Variants in CNNM2 observed in about 807,000 individuals in gnomAD.
The protein encoded by CNNM2 is metal transporter CNNM2.
A neutral mutation model predicts 66.9 loss-of-function variants in CNNM2; 12 were observed. The ratio of observed to expected loss-of-function variants is 0.18; its 90% CI spans 0.11 to 0.29. CNNM2 has a LOEUF of 0.29. Among genes scored for constraint, CNNM2 ranks in the 10% least tolerant of loss-of-function variants. The pLI is 1.00. For missense variants in CNNM2, 705 were observed against 1,167.7 expected (o/e 0.60, Z 5.77); for synonymous variants, 557 against 501.8 (o/e 1.11, Z -1.47).
chr10:102,966,392 G>T (rs540079959), intron 1 of CNNM2, among the ~76,000 whole-genome samples: 9 of 152,224 alleles, frequency 5.9e-5, no homozygotes, highest in Non-Finnish European at 1.2e-4. Context: ...CACTTTGGGA[G>T]GCTGAGGTGG....
chr10:103,028,061 G>C (rs2064740832), intron 1 of CNNM2, among the ~76,000 whole-genome samples: 1 of 152,148 alleles, frequency 6.6e-6, no homozygotes, highest in Admixed American at 6.5e-5. Context: ...CTTAAAATCT[G>C]TGCCTTTTTT....
At chr10:103,058,506 G>A (rs1164768833) in intron 4 of CNNM2, among the ~76,000 whole-genome samples, 1 of 152,150 alleles carries the variant, frequency 6.6e-6, no homozygotes, top group Non-Finnish European at 1.5e-5. Flanking sequence ...ATTCAGTAAT[G>A]CTTTATTGCT....
intron 4 of CNNM2, among the ~76,000 whole-genome samples, chr10:103,066,185 T>A (rs1379618813): frequency 6.6e-6 from 1 of 152,172 alleles, no homozygotes. Context: ...GCCTCCCTTT[T>A]CAGGCTCTGC....
chr10:103,012,763 AGT>A (rs1427420691), intron 1 of CNNM2, among the ~76,000 whole-genome samples: 1 of 151,824 alleles, frequency 6.6e-6, no homozygotes, highest in Non-Finnish European at 1.5e-5. Flanking sequence ...CTACAACAAC[AGT>A]CTGTACCACA....
At position 103,089,927 on chromosome 10, in the gene CNNM2, G is replaced by A. The variant is rs1041914268; in HGVS notation, c.*12747G>A. 1 of 1,565,276 alleles carries A rather than the reference G, an allele frequency of 6.4e-7. No individual in the cohort carries two copies. Among genetic ancestry groups the A allele is most frequent in the African/African-American group, 1.4e-5 (1 of 73,128 alleles). On this transcript the variant is annotated 3_prime_UTR_variant, in exon 8 of 8. Transcript: ENST00000369878. ...GAGGCATCTAGACAGAAAAAAGCTA[G>A]AGGCTCAGAAAGCAGGCAGAGCAAA... is the stretch of plus-strand genomic sequence containing the variant.
intron 1 of CNNM2, among the ~76,000 whole-genome samples, chr10:103,038,526 C>T (rs755343903): frequency 1.3e-5 from 2 of 152,186 alleles, no homozygotes; most frequent in Non-Finnish European, 2.9e-5. Flanking sequence ...ACACTGTCAT[C>T]GACGCTAATA....
At chr10:102,978,749 T>C (rs182297789) in intron 1 of CNNM2, among the ~76,000 whole-genome samples, 33 of 152,312 alleles carry the variant, frequency 2.2e-4, no homozygotes, top group Middle Eastern at 3.4e-3. Context: ...AGAAACGGAA[T>C]GTGACCAGCA....
chr10:103,022,146 A>C (rs2064596312), intron 1 of CNNM2, among the ~76,000 whole-genome samples: 1 of 152,242 alleles, frequency 6.6e-6, no homozygotes, highest in Non-Finnish European at 1.5e-5. Context: ...CTACCGCGTC[A>C]GCTGGGCGTG....
At chr10:103,071,904 GCTGGCTGGGT>G in intron 6 of CNNM2, 65 bp downstream of exon 6, 1 of 1,438,174 alleles carries the variant, frequency 7.0e-7, no homozygotes, top group Non-Finnish European at 9.8e-7. Flanking sequence ...ATCACGCCTG[GCTGGCTGGGT>G]CTGCTCCCTT....
At chr10:103,063,564 G>A (rs2065425548) in intron 4 of CNNM2, among the ~76,000 whole-genome samples, 1 of 152,214 alleles carries the variant, frequency 6.6e-6, no homozygotes, top group Non-Finnish European at 1.5e-5. Context: ...CATGGCACGG[G>A]CTGTTGAGTA....
chr10:103,024,220 T>C (rs950540920), intron 1 of CNNM2, among the ~76,000 whole-genome samples: 2 of 152,218 alleles, frequency 1.3e-5, no homozygotes, highest in African/African-American at 2.4e-5. Context: ...TATTTTTTCA[T>C]GATACTGACT....
chr10:103,004,597 T>G (rs571924393), intron 1 of CNNM2, among the ~76,000 whole-genome samples: 4 of 152,346 alleles, frequency 2.6e-5, no homozygotes, highest in Admixed American at 2.0e-4. Context: ...AGGAGCCAGT[T>G]GGACTGGCTG....
At chr10:103,019,422 A>G (rs180857732) in intron 1 of CNNM2, among the ~76,000 whole-genome samples, 31 of 152,310 alleles carry the variant, frequency 2.0e-4, no homozygotes, top group African/African-American at 7.2e-4. Context: ...AAGTTGAGCA[A>G]GTGGGGACAG....
chr10:102,980,337 T>TC (rs992472647), intron 1 of CNNM2, among the ~76,000 whole-genome samples: 1 of 151,876 alleles, frequency 6.6e-6, no homozygotes, highest in African/African-American at 2.4e-5. Flanking sequence ...TTTTTTTTTT[T>TC]CATAGCTCAC....
intron 1 of CNNM2, among the ~76,000 whole-genome samples, chr10:102,972,496 G>T (rs2063561021): frequency 6.6e-6 from 1 of 152,124 alleles, no homozygotes; most frequent in African/African-American, 2.4e-5. Context: ...AATTAGACGG[G>T]CGTGGTGGCG....
intron 4 of CNNM2, among the ~76,000 whole-genome samples, chr10:103,065,420 A>G (rs1457605652): frequency 5.3e-5 from 8 of 152,248 alleles, no homozygotes; most frequent in African/African-American, 1.4e-4. Flanking sequence ...TTCAGGCCTC[A>G]GAGTGGAACC....
intron 1 of CNNM2, among the ~76,000 whole-genome samples, chr10:102,986,221 T>C (rs1269648109): frequency 1.3e-5 from 2 of 152,180 alleles, no homozygotes; most frequent in Non-Finnish European, 2.9e-5. Context: ...AAGCCTAGAT[T>C]ATAACTGAAA....
intron 1 of CNNM2, among the ~76,000 whole-genome samples, chr10:102,989,931 T>A (rs2063866995): frequency 6.6e-6 from 1 of 152,026 alleles, no homozygotes. Context: ...AGCCTCTTAC[T>A]TTTCATATCC....
chr10:103,020,431 C>G (rs1378251736), intron 1 of CNNM2, among the ~76,000 whole-genome samples: 3 of 152,156 alleles, frequency 2.0e-5, no homozygotes, highest in Non-Finnish European at 4.4e-5. Flanking sequence ...GCTGGGATTA[C>G]AGGCATGAGC....
Sources: gnomAD v4.1 joint callset for allele counts (sites outside exome capture counted in the v4.1 genomes callset) on GRCh38, gnomAD v4.1.1 for gene constraint, MANE v1.5 for transcripts, NCBI Gene and HGNC (gene_info 2026-07-23, HGNC 2026-07-21) for gene names.